Variants in PDE11A observed in about 807,000 individuals in gnomAD.
PDE11A encodes the protein phosphodiesterase 11A.
A neutral mutation model predicts 100.5 loss-of-function variants in PDE11A; 100 were observed. That is an observed-to-expected ratio of 1.00 (90% CI 0.85 to 1.18). The LOEUF is 1.18. PDE11A is among the 50% of genes most tolerant of loss of function. The pLI, the probability that PDE11A is intolerant of heterozygous loss-of-function variation, is 0.00. For missense variants in PDE11A, 1,141 were observed against 1,152.6 expected (o/e 0.99, Z 0.15); for synonymous variants, 381 against 420.8 (o/e 0.91, Z 1.16).
intron 13 of PDE11A, among the ~76,000 whole-genome samples, chr2:177,708,228 T>C (rs371195899): frequency 1.6e-5 from 1 of 62,006 alleles, no homozygotes; most frequent in African/African-American, 5.4e-5. Flanking sequence ...TAAATGCCCA[T>C]CAATGACATT....
At chr2:178,007,181 ATAAT>A (rs1353209010) in intron 2 of PDE11A, among the ~76,000 whole-genome samples, 1 of 152,236 alleles carries the variant, frequency 6.6e-6, no homozygotes, top group Non-Finnish European at 1.5e-5. Context: ...AATGAGCAAA[ATAAT>A]TAATGAAACA....
chr2:177,735,968 G>C (rs1187629582), intron 10 of PDE11A, among the ~76,000 whole-genome samples: 1 of 152,150 alleles, frequency 6.6e-6, no homozygotes, highest in Non-Finnish European at 1.5e-5. Context: ...GGCCGTTTTC[G>C]TATGGGAAAG....
At chr2:177,942,445 C>T (rs1235593604) in intron 2 of PDE11A, among the ~76,000 whole-genome samples, 2 of 150,304 alleles carry the variant, frequency 1.3e-5, no homozygotes, top group African/African-American at 4.9e-5. Flanking sequence ...TCTTGTTGCC[C>T]AGGCTGGAGT....
chr2:177,726,528 A>G (rs1055803509), intron 12 of PDE11A, among the ~76,000 whole-genome samples: 12 of 152,160 alleles, frequency 7.9e-5, no homozygotes, highest in Admixed American at 2.0e-4. Flanking sequence ...GATGTGTTGT[A>G]CTAGATACAG....
intron 13 of PDE11A, among the ~76,000 whole-genome samples, chr2:177,709,010 G>A (rs1045060184): frequency 5.3e-5 from 8 of 152,210 alleles, no homozygotes; most frequent in African/African-American, 1.9e-4. Context: ...CCAGGCAGGG[G>A]AAACAGCATA....
chr2:177,770,589 G>A (rs2082298262), intron 9 of PDE11A, among the ~76,000 whole-genome samples: 1 of 152,166 alleles, frequency 6.6e-6, no homozygotes, highest in South Asian at 2.1e-4. Context: ...AAAGCCTGGA[G>A]GTGCAGCAAA....
chr2:177,946,032 G>A (rs1396954849), intron 2 of PDE11A, among the ~76,000 whole-genome samples: 10 of 140,880 alleles, frequency 7.1e-5, no homozygotes, highest in Admixed American at 2.7e-4. Context: ...CCGGCCAGCC[G>A]CCCCGTCCGG....
Position 178,041,159 on chromosome 2 carries a change from C to T in PDE11A, c.913-26699G>A, listed in dbSNP as rs539907510. Among the ~76,000 whole-genome samples, 18 of 151,996 alleles carry T rather than the reference C, an allele frequency of 1.2e-4. No individual in the cohort carries two copies. In the South Asian group the frequency reaches 3.3e-3, roughly 28 times the overall value. ...CTCGCTATGCTGCCCAGGCTGGTCT[C>T]GAATTGCTGGGCTCAAGCAATGCTC... On this transcript the variant is annotated intron_variant, in intron 1 of 19. Coordinates refer to ENST00000286063, the MANE Select transcript of PDE11A (RefSeq NM_016953.4).
At chr2:177,661,768 T>C (rs909444762) in intron 19 of PDE11A, among the ~76,000 whole-genome samples, 4 of 152,200 alleles carry the variant, frequency 2.6e-5, no homozygotes, top group Non-Finnish European at 5.9e-5. Flanking sequence ...AATATGAGCT[T>C]CTGTAAATAG....
At chr2:177,773,869 T>C (rs2082345265) in intron 9 of PDE11A, among the ~76,000 whole-genome samples, 1 of 152,196 alleles carries the variant, frequency 6.6e-6, no homozygotes. Context: ...GGTAGCATTG[T>C]TCCCTCTAAG....
intron 9 of PDE11A, among the ~76,000 whole-genome samples, chr2:177,772,713 T>TAAAA (rs58575142): frequency 0.065 from 9,163 of 141,380 alleles, 872 homozygotes; most frequent in African/African-American, 0.21. Context: ...TTCCTTTATT[T>TAAAA]AAAAAAAAAA....
chr2:178,017,191 C>T (rs71423542), intron 1 of PDE11A, among the ~76,000 whole-genome samples: 15,213 of 152,210 alleles, frequency 0.1, 1,043 homozygotes, highest in Non-Finnish European at 0.15. Context: ...GGCGCTAAGG[C>T]GCCACATACC....
At chr2:177,757,917 T>C (rs548630905) in intron 10 of PDE11A, among the ~76,000 whole-genome samples, 6 of 152,254 alleles carry the variant, frequency 3.9e-5, no homozygotes, top group African/African-American at 1.2e-4. Flanking sequence ...GTTCACAGCC[T>C]AATTCCTTTT....
At chr2:177,938,174 A>C in intron 2 of PDE11A, among the ~76,000 whole-genome samples, 1 of 152,138 alleles carries the variant, frequency 6.6e-6, no homozygotes, top group East Asian at 1.9e-4. Flanking sequence ...GGAGTTGTTA[A>C]ATATGTTTAA....
intron 5 of PDE11A, among the ~76,000 whole-genome samples, chr2:177,849,113 G>T (rs1473924377): frequency 2.0e-5 from 3 of 152,172 alleles, no homozygotes; most frequent in East Asian, 1.9e-4. Flanking sequence ...GCCAAATCTT[G>T]CATTAAGCGA....
chr2:177,875,721 C>T, intron 5 of PDE11A, 138 bp downstream of exon 5: 1 of 705,476 alleles, frequency 1.4e-6, no homozygotes, highest in East Asian at 2.7e-5. Context: ...AATTTAAGCC[C>T]TGAAATACAG....
chr2:178,043,868 GAT>G (rs771393179), intron 1 of PDE11A, among the ~76,000 whole-genome samples: 4 of 152,182 alleles, frequency 2.6e-5, no homozygotes, highest in African/African-American at 4.8e-5. Flanking sequence ...CTAACTAAGA[GAT>G]GCTTGAGTCT....
intron 2 of PDE11A, among the ~76,000 whole-genome samples, chr2:177,916,189 T>C (rs2084950956): frequency 6.6e-6 from 1 of 152,224 alleles, no homozygotes; most frequent in African/African-American, 2.4e-5. Context: ...TGTCCCTTTC[T>C]ACATTCTCCC....
intron 2 of PDE11A, among the ~76,000 whole-genome samples, chr2:177,961,584 T>G (rs2085633778): frequency 6.6e-6 from 1 of 152,182 alleles, no homozygotes; most frequent in African/African-American, 2.4e-5. Flanking sequence ...TTATAGAAAT[T>G]TTTAGATCAT....
Sources: allele counts gnomAD v4.1 joint callset (sites outside exome capture counted in the v4.1 genomes callset), GRCh38; gene constraint gnomAD v4.1.1; transcripts MANE v1.5; gene names NCBI Gene and HGNC (gene_info 2026-07-23, HGNC 2026-07-21).